The following GRB14 variants were observed in gnomAD, a reference collection of about 807,000 sequenced individuals.
GRB14 encodes the protein growth factor receptor-bound protein 14.
In GRB14, 38 loss-of-function variants were observed where a neutral mutation model predicts 69.1. The ratio of observed to expected loss-of-function variants is 0.55; its 90% CI spans 0.42 to 0.72. The LOEUF (loss-of-function observed/expected upper bound fraction) is 0.72. Among genes scored for constraint, GRB14 ranks in the 30% least tolerant of loss-of-function variants. GRB14 has a pLI of 0.00. For synonymous variants in GRB14, 247 were observed against 241.3 expected, an observed-to-expected ratio of 1.02 and a Z score of -0.22; for missense variants, 666 against 666.1, an observed-to-expected ratio of 1.00 and a Z score of 0.00.
chr2:164,590,078 G>A (rs997164791), intron 2 of GRB14, among the ~76,000 whole-genome samples: 9 of 152,064 alleles, frequency 5.9e-5, no homozygotes, highest in Non-Finnish European at 8.8e-5. Flanking sequence ...ATCACATAGG[G>A]TAATTTCCAC....
intron 2 of GRB14, among the ~76,000 whole-genome samples, chr2:164,614,339 T>A (rs979767153): frequency 2.0e-5 from 3 of 152,324 alleles, no homozygotes; most frequent in African/African-American, 7.2e-5. Context: ...AAATACAATT[T>A]ATGATGTTGT....
intron 2 of GRB14, among the ~76,000 whole-genome samples, chr2:164,615,599 T>C (rs1378304491): frequency 6.6e-6 from 1 of 152,188 alleles, no homozygotes; most frequent in South Asian, 2.1e-4. Flanking sequence ...CTGTGCCACA[T>C]AGCATTCCTT....
chr2:164,502,815 T>C (rs1687092576), intron 8 of GRB14, among the ~76,000 whole-genome samples: 1 of 152,122 alleles, frequency 6.6e-6, no homozygotes, highest in African/African-American at 2.4e-5. Flanking sequence ...CATGGGCCTA[T>C]GTTGAAAATT....
At chr2:164,535,023 A>G (rs938632827) in intron 3 of GRB14, among the ~76,000 whole-genome samples, 1 of 152,210 alleles carries the variant, frequency 6.6e-6, no homozygotes, top group African/African-American at 2.4e-5. Flanking sequence ...ACAATTGTCA[A>G]CTACCACTCA....
intron 6 of GRB14, among the ~76,000 whole-genome samples, chr2:164,515,833 T>A: frequency 6.9e-6 from 1 of 144,568 alleles, no homozygotes; most frequent in East Asian, 2.0e-4. Flanking sequence ...ATACAAGATA[T>A]GAAGGGAAAA....
chr2:164,497,552 T>C (rs761095264), intron 9 of GRB14, 62 bp from the exon 10 acceptor site: 7 of 1,094,980 alleles, frequency 6.4e-6, no homozygotes, highest in Non-Finnish European at 9.5e-6. Context: ...TTCAAATAAA[T>C]TGAAAGTGTT....
At chr2:164,508,146 T>A (rs1687240064) in intron 8 of GRB14, among the ~76,000 whole-genome samples, 1 of 152,208 alleles carries the variant, frequency 6.6e-6, no homozygotes, top group African/African-American at 2.4e-5. Context: ...GAGTGCAGAC[T>A]TAGTCATGTA....
intron 2 of GRB14, among the ~76,000 whole-genome samples, chr2:164,588,323 T>C (rs1053666888): frequency 6.6e-6 from 1 of 152,208 alleles, no homozygotes; most frequent in Admixed American, 6.5e-5. Flanking sequence ...AGCAGCCTTA[T>C]GTTCTCTCAT....
chr2:164,513,900 G>A lies in GRB14; in HGVS notation c.817-5048C>T, dbSNP rs554895265. On this transcript the variant is annotated intron_variant, in intron 6 of 13. Coordinates refer to ENST00000263915, the MANE Select transcript of GRB14 (RefSeq NM_004490.3). ...ATTTTTACTTGAAAGACACCAATGC[G>A]TTGCATAAAATGTCAACACTTGTAT... Among the ~76,000 whole-genome samples, 15 of 152,192 alleles carry A rather than the reference G, an allele frequency of 9.9e-5. 1 individual carries two copies. In the South Asian group the frequency reaches 1.2e-3, roughly 13 times the overall value.
intron 2 of GRB14, among the ~76,000 whole-genome samples, chr2:164,561,919 A>C (rs914744596): frequency 6.6e-6 from 1 of 152,200 alleles, no homozygotes. Context: ...AAGGTAATGA[A>C]AAGGCCTGAG....
rs73971053 is a variant in GRB14 at position 164,590,236 on chromosome 2, T to C, written c.324+29451A>G. ...TTACTTTCTTCATATATTCTCTAGT[T>C]TGAGTGTTTTACTTCATTTCCTAGA... is the stretch of plus-strand genomic sequence containing the variant. On this transcript the variant is annotated intron_variant, in intron 2 of 13. Transcript: ENST00000263915. Among the ~76,000 whole-genome samples the C allele has an allele frequency of 3.6e-3, 543 of 152,312 alleles. 3 individuals carry two copies. The highest frequency in any genetic ancestry group is 0.012 in the African/African-American group (516 of 41,560).
intron 2 of GRB14, among the ~76,000 whole-genome samples, chr2:164,594,931 C>A (rs1246902756): frequency 6.6e-6 from 1 of 152,148 alleles, no homozygotes; most frequent in African/African-American, 2.4e-5. Flanking sequence ...CATAACTCAG[C>A]TAAAGGTTCT....
intron 13 of GRB14, among the ~76,000 whole-genome samples, chr2:164,493,719 A>C (rs1406601304): frequency 2.0e-5 from 3 of 152,232 alleles, no homozygotes; most frequent in African/African-American, 7.2e-5. Flanking sequence ...ACAAAATAAA[A>C]GAAGTAGGGA....
chr2:164,523,202 AACT>A (rs1270986186), intron 5 of GRB14, among the ~76,000 whole-genome samples: 2 of 152,060 alleles, frequency 1.3e-5, no homozygotes, highest in Non-Finnish European at 2.9e-5. Context: ...CACCCAGCTA[AACT>A]CTTCCCAGAT....
At chr2:164,542,859 C>T (rs1207467790) in intron 3 of GRB14, among the ~76,000 whole-genome samples, 1 of 152,174 alleles carries the variant, frequency 6.6e-6, no homozygotes, top group African/African-American at 2.4e-5. Context: ...TAAAAAAGAA[C>T]TATCATCCAA....
chr2:164,546,519 G>A (rs559845438), intron 3 of GRB14, among the ~76,000 whole-genome samples: 2 of 152,216 alleles, frequency 1.3e-5, no homozygotes, highest in East Asian at 3.9e-4. Context: ...GCAGTTCCAC[G>A]GGCGACAGGA....
intron 3 of GRB14, among the ~76,000 whole-genome samples, chr2:164,533,388 G>A (rs1436863666): frequency 6.6e-6 from 1 of 151,640 alleles, no homozygotes; most frequent in Non-Finnish European, 1.5e-5. Flanking sequence ...ACCCGCCACT[G>A]CGCCCGGCTA....
chr2:164,525,019 G>C lies in GRB14; in HGVS notation c.663C>G (p.Pro221=), dbSNP rs182510828. 3.2e-5 allele frequency: 51 copies of C among 1,579,542 alleles called. No individual in the cohort carries two copies. In the East Asian group the frequency reaches 1.1e-3, roughly 33 times the overall value. The change falls in exon 5 of 14, where the codon CCC becomes CCG. Residue 221 remains proline (P), a synonymous_variant. Coordinates refer to ENST00000263915, the MANE Select transcript of GRB14 (RefSeq NM_004490.3). ...FATETNGEIS[P]TQILQMFLSS... ...TATATTTTACCTGCAAAATCTGTGTGGGGGATATTTCACCATTGGTTTCAG... is the reference window on the plus strand; with the variant it reads ...TATATTTTACCTGCAAAATCTGTGTCGGGGATATTTCACCATTGGTTTCAG...
chr2:164,582,427 T>TA (rs202216541), intron 2 of GRB14, among the ~76,000 whole-genome samples: 182 of 143,210 alleles, frequency 1.3e-3, no homozygotes, highest in Middle Eastern at 3.5e-3. Flanking sequence ...ATTTATTATT[T>TA]TTTTTTTTTT....
Sources: gnomAD v4.1 joint callset for allele counts (sites outside exome capture counted in the v4.1 genomes callset) on GRCh38, gnomAD v4.1.1 for gene constraint, MANE v1.5 for transcripts, NCBI Gene and HGNC (gene_info 2026-07-23, HGNC 2026-07-21) for gene names.